The following SERPINA6 variants were observed in gnomAD, a reference collection of about 807,000 sequenced individuals.
The protein encoded by SERPINA6 is serpin family A member 6, also known as corticosteroid-binding globulin.
SERPINA6 carries 19 observed loss-of-function variants against 26.4 expected under a neutral mutation model. The observed-to-expected ratio is 0.72, with a 90% CI of 0.50 to 1.06. SERPINA6 has a LOEUF of 1.06. Ranked by LOEUF, SERPINA6 falls within the 50% of genes least tolerant of loss-of-function variation. The pLI is 0.00. For synonymous variants in SERPINA6, 196 were observed against 199.4 expected, an observed-to-expected ratio of 0.98 and a Z score of 0.14; for missense variants, 473 against 504.0, an observed-to-expected ratio of 0.94 and a Z score of 0.59.
Position 94,306,121 on chromosome 14 carries a change from G to C in SERPINA6, c.982C>G (p.Gln328Glu), listed in dbSNP as rs2139714348. 6.2e-7 allele frequency: 1 copy of C among 1,614,200 alleles called. No homozygotes were observed. Reference protein sequence around the residue: ...EMGIADLFTNQANFSRITQDA... With the variant: ...EMGIADLFTNEANFSRITQDA... ...TGGGTGATGCGTGAGAAATTTGCCT[G>C]GTTGGTGAACAAGTCTGCAATGCCC... Residue 328 changes from glutamine to glutamate, a missense_variant, in exon 4 of 5, where the codon CAG (glutamine) becomes GAG (glutamate). Physicochemically the swap from Gln to Glu is conservative, Grantham distance 29 (BLOSUM62 2). Coordinates refer to ENST00000341584, the MANE Select transcript of SERPINA6 (RefSeq NM_001756.4).
At chr14:94,313,514 A>G (rs74077634) in intron 2 of SERPINA6, among the ~76,000 whole-genome samples, 2,027 of 152,322 alleles carry the variant, frequency 0.013, 47 homozygotes, top group African/African-American at 0.046. Context: ...TGAAAATAAG[A>G]GAGGCCCACA....
intron 1 of SERPINA6, among the ~76,000 whole-genome samples, chr14:94,322,529 C>G (rs1410563175): frequency 6.6e-6 from 1 of 151,972 alleles, no homozygotes; most frequent in African/African-American, 2.4e-5. Context: ...AACAAACAAA[C>G]AAACAAAAAA....
At chr14:94,322,843 C>G (rs1162235247) in intron 1 of SERPINA6, among the ~76,000 whole-genome samples, 1 of 152,180 alleles carries the variant, frequency 6.6e-6, no homozygotes, top group Admixed American at 6.5e-5. Context: ...ACTGGGCCAG[C>G]TGAGCCCTCC....
At chr14:94,311,693 A>G (rs1343397729) in intron 2 of SERPINA6, among the ~76,000 whole-genome samples, 1 of 152,154 alleles carries the variant, frequency 6.6e-6, no homozygotes, top group Non-Finnish European at 1.5e-5. Context: ...TAATCCCAGC[A>G]CTTTGGGAGG....
At chr14:94,305,326 C>T (rs540298642) in intron 4 of SERPINA6, among the ~76,000 whole-genome samples, 11 of 152,272 alleles carry the variant, frequency 7.2e-5, no homozygotes, top group African/African-American at 2.6e-4. Flanking sequence ...GGTTTTGAGT[C>T]AACAGGCCTG....
rs752343239 is a variant in SERPINA6, at chr14:94,306,093, T to C, written c.1010A>G (p.Asp337Gly). The change falls in exon 4 of 5, where the codon GAC becomes GGC. Residue 337 changes from aspartate to glycine, a missense_variant. Physicochemically the swap from Asp to Gly is moderately conservative, Grantham distance 94. Coordinates refer to ENST00000341584, the MANE Select transcript of SERPINA6 (RefSeq NM_001756.4). ...NQANFSRITQ[D>G]AQLKSSKVVH... is the part of the protein sequence containing the mutation. ...TACCTTTGATGACTTCAGCTGGGCG[T>C]CCTGGGTGATGCGTGAGAAATTTGC... 28 of 1,614,084 alleles carry C rather than the reference T, an allele frequency of 1.7e-5. No homozygotes were observed. Among genetic ancestry groups the C allele is most frequent in the Non-Finnish European group, 2.4e-5 (28 of 1,180,042 alleles).
At chr14:94,318,369 A>G (rs1019061637) in intron 1 of SERPINA6, among the ~76,000 whole-genome samples, 2 of 152,066 alleles carry the variant, frequency 1.3e-5, no homozygotes, top group African/African-American at 4.8e-5. Context: ...AGCCAAAACA[A>G]TACTGAAGAA....
intron 3 of SERPINA6, among the ~76,000 whole-genome samples, chr14:94,308,308 T>A (rs1895472106): frequency 6.6e-6 from 1 of 152,242 alleles, no homozygotes; most frequent in Non-Finnish European, 1.5e-5. Flanking sequence ...CAGAATCTGT[T>A]TTCTGCTCTA....
At chr14:94,313,463 T>C (rs1465070874) in intron 2 of SERPINA6, among the ~76,000 whole-genome samples, 1 of 152,022 alleles carries the variant, frequency 6.6e-6, no homozygotes, top group Non-Finnish European at 1.5e-5. Context: ...CAGAGAGATG[T>C]GATGAGGGAA....
In SERPINA6 at chr14:94,304,611, G is replaced by T. The variant is rs1208181099; in HGVS notation, c.1033-8C>A. 1 of 1,613,048 alleles carries T rather than the reference G, an allele frequency of 6.2e-7. No individual in the cohort carries two copies. The highest frequency in any genetic ancestry group is 8.5e-7 in the Non-Finnish European group (1 of 1,179,116). On this transcript the variant is annotated splice_region_variant and splice_polypyrimidine_tract_variant and intron_variant, in intron 4 of 4. Coordinates refer to ENST00000341584, the MANE Select transcript of SERPINA6 (RefSeq NM_001756.4). ...CACAGCTTTATGGACCACCTGTTAG[G>T]TACAGAATGAAGATGGGTAGTGAGA... is the stretch of plus-strand genomic sequence containing the variant.
At position 94,314,017 on chromosome 14, in the gene SERPINA6, T is replaced by A; in HGVS notation, c.613+19A>T. 6.2e-7 allele frequency: 1 copy of A among 1,613,964 alleles called. No individual in the cohort carries two copies. The highest frequency in any genetic ancestry group is 1.3e-5 in the African/African-American group (1 of 75,022). ...TGGCCATAGTGGATGGGCCTTCAGATGGGGATGGGTGGGAATACCTTTGAA... is the reference window on the plus strand; with the variant it reads ...TGGCCATAGTGGATGGGCCTTCAGAAGGGGATGGGTGGGAATACCTTTGAA... On this transcript the variant is annotated intron_variant, in intron 2 of 4. Transcript: ENST00000341584.
intron 1 of SERPINA6, among the ~76,000 whole-genome samples, chr14:94,317,160 C>T (rs12323913): frequency 2.1e-3 from 322 of 152,204 alleles, no homozygotes; most frequent in African/African-American, 7.4e-3. Flanking sequence ...TGAGAGCCTA[C>T]TAATAGGATT....
At chr14:94,306,611 C>CT (rs1211683744) in intron 3 of SERPINA6, among the ~76,000 whole-genome samples, 12 of 152,210 alleles carry the variant, frequency 7.9e-5, no homozygotes, top group African/African-American at 2.9e-4. Context: ...GCAGTGGTCC[C>CT]TGGCTCCAGC....
chr14:94,314,787 G>C (rs543766867), intron 1 of SERPINA6, 120 bp from the exon 2 acceptor site: 1 of 902,506 alleles, frequency 1.1e-6, no homozygotes, highest in Admixed American at 1.9e-5. Context: ...CACACTGGCT[G>C]TGTGACCTGG....
intron 3 of SERPINA6, among the ~76,000 whole-genome samples, chr14:94,306,904 C>T (rs554581961): frequency 6.9e-4 from 105 of 152,244 alleles, no homozygotes; most frequent in South Asian, 2.9e-3. Flanking sequence ...GTGCCTTCTC[C>T]CCAGAGGGAG....
rs377308254 is a variant in SERPINA6, at chr14:94,311,547, T to C, written c.614-1541A>G. ...GAATTGGTGGTAGAGAAAGAATTTA[T>C]TGGGGACGATCTGAGAGAGCAAGGA... is the stretch of plus-strand genomic sequence containing the variant. On this transcript the variant is annotated intron_variant, in intron 2 of 4. Coordinates refer to ENST00000341584, the MANE Select transcript of SERPINA6 (RefSeq NM_001756.4). Among the ~76,000 whole-genome samples, 15 of 152,228 alleles carry C rather than the reference T, an allele frequency of 9.9e-5. 1 individual carries two copies. The East Asian group carries it at 1.7e-3, about 18-fold the overall frequency.
chr14:94,320,189 G>T (rs1465537702), intron 1 of SERPINA6, among the ~76,000 whole-genome samples: 1 of 152,126 alleles, frequency 6.6e-6, no homozygotes, highest in African/African-American at 2.4e-5. Flanking sequence ...AGCCATTCTG[G>T]GTGAGGGGCT....
At chr14:94,320,115 A>G (rs984027972) in intron 1 of SERPINA6, among the ~76,000 whole-genome samples, 1 of 152,194 alleles carries the variant, frequency 6.6e-6, no homozygotes. Context: ...AGCTACCTGT[A>G]TCACAATAAA....
chr14:94,314,123 T>TCCC lies in SERPINA6; in HGVS notation c.525_526insGGG (p.Lys175_Asn176insGly). ...TCGACAATTTTCCCCTGTGTCTTAT[T>TCCC]CTTGACATAGCTGTTGATCTGTCTG... On this transcript the variant is annotated inframe_insertion, in exon 2 of 5. Transcript: ENST00000341584. The TCCC allele has an allele frequency of 6.2e-7, 1 of 1,614,210 alleles. No individual in the cohort carries two copies. Among genetic ancestry groups the TCCC allele is most frequent in the Non-Finnish European group, 8.5e-7 (1 of 1,180,036 alleles).
Sources: gnomAD v4.1 joint callset for allele counts (sites outside exome capture counted in the v4.1 genomes callset) on GRCh38, gnomAD v4.1.1 for gene constraint, MANE v1.5 for transcripts, NCBI Gene and HGNC (gene_info 2026-07-23, HGNC 2026-07-21) for gene names.